Variants in MBOAT1 observed in about 807,000 individuals in gnomAD.
The protein encoded by MBOAT1 is membrane-bound glycerophospholipid O-acyltransferase 1.
MBOAT1 carries 67 observed loss-of-function variants against 64.4 expected under a neutral mutation model. The ratio of observed to expected loss-of-function variants is 1.04; its 90% CI spans 0.85 to 1.27. The LOEUF (loss-of-function observed/expected upper bound fraction) is 1.27. Ranked by LOEUF, MBOAT1 falls within the 50% of genes most tolerant of loss-of-function variation. The pLI is 0.00. For missense variants in MBOAT1, 563 were observed against 604.6 expected, an observed-to-expected ratio of 0.93 and a Z score of 0.72; for synonymous variants, 229 against 218.9, an observed-to-expected ratio of 1.05 and a Z score of -0.41.
In MBOAT1 at chr6:20,183,831, C is replaced by T. The variant is rs562422579; in HGVS notation, c.99+28305G>A. Among the ~76,000 whole-genome samples the T allele has an allele frequency of 2.0e-3, 305 of 152,342 alleles. 1 individual carries two copies. The highest frequency in any genetic ancestry group is 7.1e-3 in the African/African-American group (295 of 41,584). The stretch of plus-strand genomic sequence containing the variant: ...GGGAAGACAAAGAGGCTGAATTGGA[C>T]TTACAGCTCCACATGGCTGGGGAGG... On this transcript the variant is annotated intron_variant, in intron 1 of 12. Coordinates refer to ENST00000324607, the MANE Select transcript of MBOAT1 (RefSeq NM_001080480.3).
chr6:20,136,614 T>C (rs952017853), intron 4 of MBOAT1, among the ~76,000 whole-genome samples: 1 of 152,110 alleles, frequency 6.6e-6, no homozygotes, highest in Admixed American at 6.5e-5. Context: ...CACGGAACAA[T>C]AGGACAAATG....
chr6:20,211,001 T>C (rs1007030771), intron 1 of MBOAT1, among the ~76,000 whole-genome samples: 3 of 152,126 alleles, frequency 2.0e-5, no homozygotes, highest in Non-Finnish European at 4.4e-5. Context: ...AAAGCACAAA[T>C]GCTTTGGCAC....
At position 20,168,507 on chromosome 6, in the gene MBOAT1, G is replaced by GA. The variant is rs1398882520; in HGVS notation, c.100-15739_100-15738insT. Among the ~76,000 whole-genome samples, 5 of 132,716 alleles carry GA rather than the reference G, an allele frequency of 3.8e-5. No individual in the cohort carries two copies. The South Asian group carries it at 7.4e-4, about 20-fold the overall frequency. 87.1% of individuals were successfully genotyped at this position (132,716 alleles called of 152,430 possible). A position where few individuals can be genotyped will look rare whatever the true frequency, so the allele number is the denominator to read the frequency against. On this transcript the variant is annotated intron_variant, in intron 1 of 12. Coordinates refer to ENST00000324607, the MANE Select transcript of MBOAT1 (RefSeq NM_001080480.3). Reference sequence around the variant, plus strand: ...AGACAGAGACAGAGAGAGAGAGAGAGGAGAGGAGAGGAGAGGAGAGAAGAG... The same window carrying GA: ...AGACAGAGACAGAGAGAGAGAGAGAGAGAGAGGAGAGGAGAGGAGAGAAGAG...
At chr6:20,137,742 ACG>A (rs1561758111) in intron 4 of MBOAT1, among the ~76,000 whole-genome samples, 2 of 146,322 alleles carry the variant, frequency 1.4e-5, no homozygotes, top group African/African-American at 2.5e-5. Flanking sequence ...ACACACACAC[ACG>A]TTGTTTAACA....
chr6:20,168,640 A>AGAGAGGAGAGGAGAGGAGAGGAGAG (rs1561773405), intron 1 of MBOAT1, among the ~76,000 whole-genome samples: 36 of 53,444 alleles, frequency 6.7e-4, no homozygotes, highest in Non-Finnish European at 1.0e-3. Flanking sequence ...AGAGAAGAGA[A>AGAGAGGAGAGGAGAGGAGAGGAGAG]GAGAGGAGAG....
intron 7 of MBOAT1, among the ~76,000 whole-genome samples, chr6:20,125,315 G>A (rs961782684): frequency 3.3e-5 from 5 of 152,210 alleles, no homozygotes; most frequent in Admixed American, 2.0e-4. Flanking sequence ...TCCTCAGAGG[G>A]CACCTTGGGG....
intron 1 of MBOAT1, among the ~76,000 whole-genome samples, chr6:20,155,573 C>G (rs569345657): frequency 2.6e-5 from 4 of 152,324 alleles, no homozygotes; most frequent in South Asian, 2.1e-4. Flanking sequence ...GATTCTATAT[C>G]TAACCTGTGT....
At chr6:20,111,388 A>G (rs1760133361) in intron 11 of MBOAT1, among the ~76,000 whole-genome samples, 1 of 152,168 alleles carries the variant, frequency 6.6e-6, no homozygotes, top group Non-Finnish European at 1.5e-5. Context: ...TTACTGGGTC[A>G]TTTCTAGGGC....
At chr6:20,204,713 G>T (rs998344933) in intron 1 of MBOAT1, among the ~76,000 whole-genome samples, 1 of 152,144 alleles carries the variant, frequency 6.6e-6, no homozygotes, top group Non-Finnish European at 1.5e-5. Flanking sequence ...AAGACACACT[G>T]TGTTTGAGGG....
At chr6:20,123,780 GGC>G (rs1760561989) in intron 8 of MBOAT1, among the ~76,000 whole-genome samples, 1 of 152,164 alleles carries the variant, frequency 6.6e-6, no homozygotes, top group African/African-American at 2.4e-5. Context: ...ATCAAGGCTG[GGC>G]GTGGTGGCTC....
intron 9 of MBOAT1, among the ~76,000 whole-genome samples, chr6:20,116,764 C>T (rs996468867): frequency 3.9e-5 from 6 of 152,114 alleles, no homozygotes; most frequent in African/African-American, 1.4e-4. Flanking sequence ...ATAATAAGCA[C>T]ATAACTTAAT....
Position 20,100,835 on chromosome 6 carries a change from C to T in MBOAT1, c.*1451G>A, listed in dbSNP as rs1160535350. ...ATTGCAGCATATACTTTATTATTAT[C>T]ATCATTATTATTTTCCACAACATTT... On this transcript the variant is annotated 3_prime_UTR_variant, in exon 13 of 13. Coordinates refer to ENST00000324607, the MANE Select transcript of MBOAT1 (RefSeq NM_001080480.3). Among the ~76,000 whole-genome samples the T allele has an allele frequency of 6.8e-6, 1 of 146,440 alleles. No individual in the cohort carries two copies. The highest frequency in any genetic ancestry group is 1.5e-5 in the Non-Finnish European group (1 of 67,590).
intron 4 of MBOAT1, among the ~76,000 whole-genome samples, chr6:20,139,356 A>G (rs540174003): frequency 6.6e-5 from 10 of 152,028 alleles, no homozygotes; most frequent in Non-Finnish European, 1.2e-4. Flanking sequence ...TCCATCTCCA[A>G]GTCTCCCAAA....
rs952347486 is a variant in MBOAT1 at position 20,124,407 on chromosome 6, C to T, written c.907+1G>A. 1.2e-6 allele frequency: 2 copies of T among 1,613,300 alleles called. No homozygotes were observed. The highest frequency in any genetic ancestry group is 1.3e-5 in the African/African-American group (1 of 75,042). ...AGTTACAGCTACTCCATCAAACTTA[C>T]CTAATGTCCATGCAAAGTAATACTT... On this transcript the variant is annotated splice_donor_variant, in intron 8 of 12. Transcript: ENST00000324607. LOFTEE classifies it high-confidence loss of function.
chr6:20,101,286 A>C lies in MBOAT1; in HGVS notation c.*1000T>G, dbSNP rs2113617290. Among the ~76,000 whole-genome samples, 1 of 152,314 alleles carries C rather than the reference A, an allele frequency of 6.6e-6. No homozygotes were observed. The highest frequency in any genetic ancestry group is 1.5e-5 in the Non-Finnish European group (1 of 68,012). On this transcript the variant is annotated 3_prime_UTR_variant, in exon 13 of 13. Transcript: ENST00000324607. ...ATTCGGAAAACAGCAGCCCCTCTTC[A>C]GCTCCATGTACAGGAGACTTTCTGA...
intron 7 of MBOAT1, among the ~76,000 whole-genome samples, chr6:20,126,096 C>T (rs1027359459): frequency 1.2e-4 from 19 of 152,248 alleles, no homozygotes; most frequent in African/African-American, 4.6e-4. Context: ...AACTGGTTTC[C>T]CTTGCAATAA....
intron 11 of MBOAT1, among the ~76,000 whole-genome samples, chr6:20,111,638 T>A (rs1760139506): frequency 6.6e-6 from 1 of 151,698 alleles, no homozygotes. Flanking sequence ...AAGTTTTATT[T>A]CTTAATTTGG....
chr6:20,133,848 G>T (rs1760904170), intron 4 of MBOAT1, among the ~76,000 whole-genome samples: 1 of 152,138 alleles, frequency 6.6e-6, no homozygotes, highest in African/African-American at 2.4e-5. Context: ...GTACCTCTCA[G>T]ATCTGGTGCT....
chr6:20,105,707 C>T (rs1308946054), intron 12 of MBOAT1, among the ~76,000 whole-genome samples: 2 of 152,138 alleles, frequency 1.3e-5, no homozygotes, highest in Non-Finnish European at 2.9e-5. Flanking sequence ...AACCAGGAGG[C>T]AGAGGCTGGG....
Sources: gnomAD v4.1 joint callset for allele counts (sites outside exome capture counted in the v4.1 genomes callset) on GRCh38, gnomAD v4.1.1 for gene constraint, MANE v1.5 for transcripts, NCBI Gene and HGNC (gene_info 2026-07-23, HGNC 2026-07-21) for gene names.